Variants in YIF1A observed in about 807,000 individuals in gnomAD.
YIF1A encodes Yip1 interacting factor homolog A, membrane trafficking protein, also known as protein YIF1A.
Under a neutral mutation model 32.6 loss-of-function variants are expected in YIF1A, and 28 were observed. The observed-to-expected ratio is 0.86, with a 90% confidence interval of 0.64 to 1.18. The LOEUF (loss-of-function observed/expected upper bound fraction) is 1.18, where lower values mean the gene tolerates loss of function less well. Among genes scored for constraint, YIF1A ranks in the 50% most tolerant of loss-of-function variants. YIF1A has a pLI of 0.00. For missense variants in YIF1A, 373 were observed against 390.8 expected (o/e 0.95, Z 0.38); for synonymous variants, 175 against 162.2 (o/e 1.08, Z -0.60).
Position 66,288,990 on chromosome 11 carries a change from G to C in YIF1A, c.-5C>G, listed in dbSNP as rs754799737. The C allele has an allele frequency of 1.3e-6, 2 of 1,577,864 alleles. No homozygotes were observed. Among genetic ancestry groups the C allele is most frequent in the Admixed American group, 3.5e-5 (2 of 57,636 alleles). ...GTAGCCCGAGTGATAAGCCATGGCC[G>C]CGACGCTCGCTGTCCCCGAGGGCCC... On this transcript the variant is annotated 5_prime_UTR_variant, in exon 1 of 8. Coordinates refer to ENST00000376901, the MANE Select transcript of YIF1A (RefSeq NM_020470.3).
chr11:66,285,797 T>G (rs750007527), intron 4 of YIF1A, 39 bp from the exon 5 acceptor site: 1 of 1,609,108 alleles, frequency 6.2e-7, no homozygotes, highest in South Asian at 1.1e-5. Flanking sequence ...CTTGGCTTCC[T>G]CCATCAGAGC....
Position 66,288,422 on chromosome 11 carries a change from G to C in YIF1A, c.32-130C>G, listed in dbSNP as rs377379643. The C allele has an allele frequency of 1.8e-5, 19 of 1,033,104 alleles. No homozygotes were observed. In the African/African-American group the frequency reaches 3.0e-4, roughly 16 times the overall value. 64.0% of individuals were successfully genotyped at this position (1,033,104 alleles called of 1,614,324 possible). On this transcript the variant is annotated intron_variant, in intron 1 of 7. Coordinates refer to ENST00000376901, the MANE Select transcript of YIF1A (RefSeq NM_020470.3). ...CGATCAGTGAGGGGACCCCAAGCTG[G>C]GTGAGGGGGAGCTAACTGAGAAAAA...
At chr11:66,287,015 C>T (rs1414983142) in intron 4 of YIF1A, 1 of 157,636 alleles carries the variant, frequency 6.3e-6, no homozygotes, top group Non-Finnish European at 1.4e-5. Context: ...TGTGGGCAGC[C>T]TGAAAAATGC....
In YIF1A at chr11:66,285,274, G is replaced by A. The variant is rs1238911904; in HGVS notation, c.641+107C>T. The A allele has an allele frequency of 4.7e-6, 7 of 1,486,086 alleles. No homozygotes were observed. In the East Asian group the frequency reaches 6.8e-5, roughly 14 times the overall value. The allele number at this position is 1,486,086 out of a possible 1,614,324, so 92.1% of individuals were successfully genotyped here. On this transcript the variant is annotated intron_variant, in intron 6 of 7. Transcript: ENST00000376901. ...ACAGCTGCTCCCTCTTAACAGAGCAGTGCTAGAGGTCACTAGGGGCCGAGA... is the reference window on the plus strand; with the variant it reads ...ACAGCTGCTCCCTCTTAACAGAGCAATGCTAGAGGTCACTAGGGGCCGAGA...
At position 66,284,754 on chromosome 11, in the gene YIF1A, G is replaced by A. The variant is rs1443607910; in HGVS notation, c.765C>T (p.Gly255=). ...GGACGGGGCCCCCCATGCTGTCGGG[G>A]CCCAGGGCTGCTGTCCGCAAAGAGC... is the stretch of plus-strand genomic sequence containing the variant. ...IVRSLRTAAL[G]PDSMGGPVPR... The change falls in exon 8 of 8, where the codon GGC becomes GGT. Residue 255 remains glycine (G), a synonymous_variant. Coordinates refer to ENST00000376901, the MANE Select transcript of YIF1A (RefSeq NM_020470.3). 6.2e-7 allele frequency: 1 copy of A among 1,612,098 alleles called. No individual in the cohort carries two copies. Among genetic ancestry groups the A allele is most frequent in the South Asian group, 1.1e-5 (1 of 91,074 alleles).
Position 66,287,811 on chromosome 11 carries a change from C to T in YIF1A, c.348+1G>A. ...ACCAGCTCCCTTGGTAGGAAGCTCA[C>T]CTGGTGTGTGTAGGGGAAGACCAGC... On this transcript the variant is annotated splice_donor_variant, in intron 3 of 7. Coordinates refer to ENST00000376901, the MANE Select transcript of YIF1A (RefSeq NM_020470.3). LOFTEE classifies it high-confidence loss of function. 1.9e-6 allele frequency: 3 copies of T among 1,614,014 alleles called. No individual in the cohort carries two copies. The highest frequency in any genetic ancestry group is 2.5e-6 in the Non-Finnish European group (3 of 1,179,940).
In YIF1A at chr11:66,287,875, A is replaced by G; in HGVS notation, c.285T>C (p.Phe95=). Residue 95 remains phenylalanine (F), a synonymous_variant, in exon 3 of 8, where the codon TTT becomes TTC. Transcript: ENST00000376901. ...TGGCCACGTAGGCTGTGTCCACAGCAAAAAAATACTTGAGTTTGCTCACAG... is the reference window on the plus strand; with the variant it reads ...TGGCCACGTAGGCTGTGTCCACAGCGAAAAAATACTTGAGTTTGCTCACAG... ...FVSVSKLKYF[F]AVDTAYVAKK... is the part of the protein sequence containing the mutation. The G allele has an allele frequency of 6.2e-7, 1 of 1,613,934 alleles. No individual in the cohort carries two copies. Among genetic ancestry groups the G allele is most frequent in the African/African-American group, 1.3e-5 (1 of 75,022 alleles).
In YIF1A at chr11:66,285,406, C is replaced by A; in HGVS notation, c.616G>T (p.Ala206Ser). The A allele has an allele frequency of 6.2e-7, 1 of 1,613,338 alleles. No individual in the cohort carries two copies. The highest frequency in any genetic ancestry group is 8.5e-7 in the Non-Finnish European group (1 of 1,179,900). Residue 206 changes from alanine (A) to serine (S), a missense_variant, in exon 6 of 8, where the codon GCC becomes TCC. Transcript: ENST00000376901. ...RSDLSTFHLLAYSGYKYVGMI... is the reference protein window; with the variant it reads ...RSDLSTFHLLSYSGYKYVGMI... The stretch of plus-strand genomic sequence containing the variant: ...CCCACGTATTTGTAGCCACTGTAGG[C>A]CAGCAGGTGAAAGGTGCTCAGGTCA...
rs1278054142 is a variant in YIF1A, at chr11:66,285,363, T to C, written c.641+18A>G. ...GCCCAGATCCAAGGCCACCTCCCCC[T>C]GGCCCACAAGTGCTCACCCCACGTA... On this transcript the variant is annotated intron_variant, in intron 6 of 7. Coordinates refer to ENST00000376901, the MANE Select transcript of YIF1A (RefSeq NM_020470.3). 1 of 1,605,802 alleles carries C rather than the reference T, an allele frequency of 6.2e-7. No individual in the cohort carries two copies. Among genetic ancestry groups the C allele is most frequent in the Non-Finnish European group, 8.5e-7 (1 of 1,174,482 alleles).
In YIF1A at chr11:66,287,666, A is replaced by G; in HGVS notation, c.359T>C (p.Val120Ala). Residue 120 changes from valine (V) to alanine (A), a missense_variant, in exon 4 of 8, where the codon GTG becomes GCG. Physicochemically the swap from Val to Ala is moderately conservative, Grantham distance 64. Transcript: ENST00000376901. ...VFPYTHQNWE[V>A]QYSRDAPLPP... Reference sequence around the variant, plus strand: ...CAGAGGAGCATCACGACTGTACTGCACTTCCCAGTTCTGGCAGTGGCAGTG... The same window carrying G: ...CAGAGGAGCATCACGACTGTACTGCGCTTCCCAGTTCTGGCAGTGGCAGTG... 1 of 1,613,296 alleles carries G rather than the reference A, an allele frequency of 6.2e-7. No individual in the cohort carries two copies. The highest frequency in any genetic ancestry group is 8.5e-7 in the Non-Finnish European group (1 of 1,179,774).
Position 66,287,874 on chromosome 11 carries a change from CA to C in YIF1A, c.285del (p.Phe95LeufsTer12), listed in dbSNP as rs752032166. 1.2e-6 allele frequency: 2 copies of C among 1,613,744 alleles called. No homozygotes were observed. The highest frequency in any genetic ancestry group is 1.7e-5 in the Admixed American group (1 of 60,018). ...FVSVSKLKYF[F>X]AVDTAYVAKK... ...TTGGCCACGTAGGCTGTGTCCACAG[CA>C]AAAAAATACTTGAGTTTGCTCACAG... On this transcript the variant is annotated frameshift_variant, in exon 3 of 8. Transcript: ENST00000376901. LOFTEE classifies it high-confidence loss of function.
chr11:66,285,507 G>A lies in YIF1A; in HGVS notation c.515C>T (p.Ala172Val). The A allele has an allele frequency of 6.2e-7, 1 of 1,613,150 alleles. No individual in the cohort carries two copies. The highest frequency in any genetic ancestry group is 8.5e-7 in the Non-Finnish European group (1 of 1,180,024). ...CACCACCCACACCAGCGCTGTGCTT[G>A]CACACAGGCCCAGCACCTCCGGGGA... ...RFSPEVLGLC[A>V]STALVWVVME... The change falls in exon 6 of 8, where the codon GCA becomes GTA. Residue 172 changes from alanine (A) to valine (V), a missense_variant. Coordinates refer to ENST00000376901, the MANE Select transcript of YIF1A (RefSeq NM_020470.3).
rs763033607 is a variant in YIF1A, at chr11:66,288,963, C to T, written c.23G>A (p.Gly8Glu). 6.4e-7 allele frequency: 1 copy of T among 1,565,942 alleles called. No individual in the cohort carries two copies. Among genetic ancestry groups the T allele is most frequent in the Non-Finnish European group, 8.6e-7 (1 of 1,164,730 alleles). MAYHSGYGAHGSKHRARA... is the reference protein window; with the variant it reads MAYHSGYEAHGSKHRARA... The stretch of plus-strand genomic sequence containing the variant: ...GCCCGCGCCCCACGCACCGTGGGCT[C>T]CGTAGCCCGAGTGATAAGCCATGGC... The change falls in exon 1 of 8, where the codon GGA becomes GAA. Residue 8 changes from glycine (G) to glutamate (E), a missense_variant. Physicochemically the swap from Gly to Glu is moderately conservative, Grantham distance 98. Transcript: ENST00000376901.
At chr11:66,285,679 A>G (rs1857345303) in intron 5 of YIF1A, 22 bp downstream of exon 5, 1 of 1,613,194 alleles carries the variant, frequency 6.2e-7, no homozygotes, top group African/African-American at 1.3e-5. Flanking sequence ...AGGGGAGGGT[A>G]AGGGAGGGGC....
rs780536897 is a variant in YIF1A, at chr11:66,287,619, C to T, written c.406G>A (p.Ala136Thr). ...APLPPRQDLN[A>T]PDLYIPTMAF... is the part of the protein sequence containing the mutation. ...TCACTGGGGATATAGAGGTCAGGGG[C>T]GTTGAGGTCTTGCCGGGGGGGCAGA... Residue 136 changes from alanine (A) to threonine (T), a missense_variant, in exon 4 of 8, where the codon GCC becomes ACC. Ala to Thr is a moderately conservative substitution (Grantham distance 58). Coordinates refer to ENST00000376901, the MANE Select transcript of YIF1A (RefSeq NM_020470.3). 6.3e-6 allele frequency: 10 copies of T among 1,593,310 alleles called. No homozygotes were observed. Among genetic ancestry groups the T allele is most frequent in the African/African-American group, 2.7e-5 (2 of 74,154 alleles).
rs1352907212 is a variant in YIF1A, at chr11:66,288,390, G to A, written c.32-98C>T. On this transcript the variant is annotated intron_variant, in intron 1 of 7. Coordinates refer to ENST00000376901, the MANE Select transcript of YIF1A (RefSeq NM_020470.3). ...GCTGGACAGCCCTGCACGGGTCCTGGAGGCACCGATCAGTGAGGGGACCCC... is the reference window on the plus strand; with the variant it reads ...GCTGGACAGCCCTGCACGGGTCCTGAAGGCACCGATCAGTGAGGGGACCCC... 7 of 1,454,434 alleles carry A rather than the reference G, an allele frequency of 4.8e-6. No individual in the cohort carries two copies. In the African/African-American group the frequency reaches 8.4e-5, roughly 17 times the overall value. 90.1% of individuals were successfully genotyped at this position (1,454,434 alleles called of 1,614,324 possible).
At chr11:66,285,839 G>A (rs1178191213) in intron 4 of YIF1A, 81 bp from the exon 5 acceptor site, 3 of 1,478,624 alleles carry the variant, frequency 2.0e-6, no homozygotes, top group African/African-American at 2.8e-5. Flanking sequence ...TCACCGACAT[G>A]TCCCATACTT....
At chr11:66,286,209 G>A (rs1857355265) in intron 4 of YIF1A, among the ~76,000 whole-genome samples, 1 of 152,250 alleles carries the variant, frequency 6.6e-6, no homozygotes, top group Non-Finnish European at 1.5e-5. Flanking sequence ...GGCTCTGGCT[G>A]CCCAACAATG....
chr11:66,284,813 A>G, intron 7 of YIF1A, 30 bp from the exon 8 acceptor site: 1 of 1,611,624 alleles, frequency 6.2e-7, no homozygotes, highest in East Asian at 2.2e-5. Context: ...AAGCCTGGCC[A>G]GGAGGGGGAG....
Sources: allele counts gnomAD v4.1 joint callset (sites outside exome capture counted in the v4.1 genomes callset), GRCh38; gene constraint gnomAD v4.1.1; transcripts MANE v1.5; gene names NCBI Gene and HGNC (gene_info 2026-07-23, HGNC 2026-07-21).